Variants in CD72 observed in about 807,000 individuals in gnomAD.
CD72 encodes the protein B-cell differentiation antigen CD72.
Under a neutral mutation model 50.7 loss-of-function variants are expected in CD72, and 28 were observed. That is an observed-to-expected ratio of 0.55 (90% CI 0.41 to 0.76). The LOEUF is 0.76. Ranked by LOEUF, CD72 falls within the 30% of genes least tolerant of loss-of-function variation. The pLI is 0.00. For missense variants in CD72, 403 were observed against 420.6 expected (o/e 0.96, Z 0.37); for synonymous variants, 176 against 171.2 (o/e 1.03, Z -0.22).
intron 1 of CD72, among the ~76,000 whole-genome samples, chr9:35,625,805 C>G (rs924314155): frequency 6.6e-6 from 1 of 152,188 alleles, no homozygotes; most frequent in African/African-American, 2.4e-5. Context: ...TTCCCGTGCT[C>G]TATACATGGA....
chr9:35,617,007 A>T (rs1823074591), intron 3 of CD72, 169 bp downstream of exon 3: 2 of 1,451,948 alleles, frequency 1.4e-6, no homozygotes, highest in South Asian at 1.4e-5. Context: ...TGCACGTCGG[A>T]TTCAGGCGCA....
intron 7 of CD72, among the ~76,000 whole-genome samples, chr9:35,611,140 G>A (rs1156274261): frequency 2.6e-5 from 4 of 152,078 alleles, no homozygotes; most frequent in Non-Finnish European, 4.4e-5. Context: ...AGTCCCAGCT[G>A]CTGGGGAGGC....
chr9:35,630,891 C>G (rs1004662392), intron 1 of CD72, among the ~76,000 whole-genome samples: 2 of 152,108 alleles, frequency 1.3e-5, no homozygotes, highest in African/African-American at 4.8e-5. Flanking sequence ...TGGCAAAACG[C>G]CCGTCTCTAC....
chr9:35,621,700 C>T (rs1823148168), upstream of CD72, among the ~76,000 whole-genome samples: 1 of 152,088 alleles, frequency 6.6e-6, no homozygotes, highest in African/African-American at 2.4e-5. Flanking sequence ...AGAACCTTTC[C>T]CATCATGGGA....
intron 5 of CD72, among the ~76,000 whole-genome samples, chr9:35,615,098 A>G (rs1364185076): frequency 1.3e-5 from 2 of 152,134 alleles, no homozygotes; most frequent in African/African-American, 4.8e-5. Flanking sequence ...TCGCCGGAAG[A>G]GCAATTTGGG....
chr9:35,622,045 A>G (rs1214826201), upstream of CD72, among the ~76,000 whole-genome samples: 1 of 152,254 alleles, frequency 6.6e-6, no homozygotes, highest in Non-Finnish European at 1.5e-5. Context: ...ATGATGTAAT[A>G]GAAAGAATAG....
At chr9:35,610,514 CGGGCCCCT>C in intron 8 of CD72, 80 bp downstream of exon 8, 1 of 871,776 alleles carries the variant, frequency 1.1e-6, no homozygotes, top group Non-Finnish European at 1.6e-6. Context: ...AGTTTTCTCT[CGGGCCCCT>C]GGGCCCCTGC....
chr9:35,624,247 TA>T (rs1563897813), upstream of CD72, among the ~76,000 whole-genome samples: 1 of 145,818 alleles, frequency 6.9e-6, no homozygotes, highest in African/African-American at 2.5e-5. Context: ...ATAATAATAA[TA>T]ATAATAATAA....
At chr9:35,613,121 T>C (rs1044227403) in intron 5 of CD72, 128 bp from the exon 6 acceptor site, 7 of 768,884 alleles carry the variant, frequency 9.1e-6, no homozygotes, top group Non-Finnish European at 1.5e-5. Context: ...ATCTTTGCAA[T>C]CTTTCTTTTG....
Position 35,610,232 on chromosome 9 carries a change from G to T in CD72, c.*91C>A. 4.9e-6 allele frequency: 1 copy of T among 203,512 alleles called. No homozygotes were observed. The highest frequency in any genetic ancestry group is 9.8e-6 in the Non-Finnish European group (1 of 101,610). 12.6% of individuals were successfully genotyped at this position (203,512 alleles called of 1,614,324 possible). A position where few individuals can be genotyped will look rare whatever the true frequency, so the allele number is the denominator to read the frequency against. On this transcript the variant is annotated 3_prime_UTR_variant, in exon 9 of 9. Transcript: ENST00000259633. ...TGGCTGGGCACTGCCCAGAATGAAG[G>T]AGATGGTCTGAGGAACCCCAGGCCT... is the stretch of plus-strand genomic sequence containing the variant.
chr9:35,617,411 C>T (rs1425217165), intron 2 of CD72, among the ~76,000 whole-genome samples, 164 bp from the exon 3 acceptor site: 1 of 152,170 alleles, frequency 6.6e-6, no homozygotes, highest in African/African-American at 2.4e-5. Context: ...TCCTCCTCTG[C>T]CCGGGACTCT....
intron 7 of CD72, among the ~76,000 whole-genome samples, chr9:35,611,588 A>C (rs1416826560): frequency 6.6e-6 from 1 of 152,226 alleles, no homozygotes; most frequent in Non-Finnish European, 1.5e-5. Context: ...CTGAAACAAA[A>C]AAGTATGTGC....
At chr9:35,617,139 A>T in intron 3 of CD72, 37 bp downstream of exon 3, 1 of 1,550,736 alleles carries the variant, frequency 6.4e-7, no homozygotes, top group South Asian at 1.2e-5. Flanking sequence ...AGGCGCGAGC[A>T]CTTGGCCCCG....
At chr9:35,628,842 A>G (rs1406011022) in intron 1 of CD72, among the ~76,000 whole-genome samples, 1 of 152,136 alleles carries the variant, frequency 6.6e-6, no homozygotes, top group African/African-American at 2.4e-5. Flanking sequence ...TTTAAGCTCC[A>G]GTTTTTCGCC....
chr9:35,640,541 C>T (rs1362406026), intron 1 of CD72, among the ~76,000 whole-genome samples: 1 of 152,212 alleles, frequency 6.6e-6, no homozygotes, highest in East Asian at 1.9e-4. Flanking sequence ...GGCACTTAGC[C>T]GTGCAAGAAC....
intron 8 of CD72, 137 bp downstream of exon 8, chr9:35,610,465 G>A: frequency 8.0e-6 from 2 of 248,522 alleles, no homozygotes; most frequent in Non-Finnish European, 1.5e-5. Context: ...AGCAGACCAA[G>A]CAACTGGAGG....
intron 1 of CD72, among the ~76,000 whole-genome samples, chr9:35,625,426 A>C (rs1474919819): frequency 6.6e-6 from 1 of 152,234 alleles, no homozygotes; most frequent in Non-Finnish European, 1.5e-5. Context: ...ATCTGAAGCC[A>C]GCAGAGGTTG....
chr9:35,615,914 C>T, intron 5 of CD72, 29 bp downstream of exon 5: 2 of 1,568,852 alleles, frequency 1.3e-6, no homozygotes, highest in South Asian at 2.2e-5. Flanking sequence ...ATCCATCCCT[C>T]CCTTCTCTCC....
intron 1 of CD72, chr9:35,642,753 A>G (rs959490556): frequency 7.9e-5 from 12 of 152,132 alleles, no homozygotes; most frequent in African/African-American, 2.9e-4. Flanking sequence ...TGGCCTGGCT[A>G]TTTCGCTGTA....
Sources: gnomAD v4.1 joint callset for allele counts (sites outside exome capture counted in the v4.1 genomes callset) on GRCh38, gnomAD v4.1.1 for gene constraint, MANE v1.5 for transcripts, NCBI Gene and HGNC (gene_info 2026-07-23, HGNC 2026-07-21) for gene names.